Variants in HABP4 observed in about 807,000 individuals in gnomAD.
HABP4 encodes intracellular hyaluronan-binding protein 4.
In HABP4, 32 loss-of-function variants were observed where a neutral mutation model predicts 44.1. That is an observed-to-expected ratio of 0.73 (90% CI 0.55 to 0.97). The LOEUF (loss-of-function observed/expected upper bound fraction) is 0.97, where lower values mean the gene tolerates loss of function less well. Ranked by LOEUF, HABP4 falls within the 50% of genes least tolerant of loss-of-function variation. The pLI is 0.00. For synonymous variants in HABP4, 216 were observed against 218.0 expected (o/e 0.99, Z 0.08); for missense variants, 503 against 561.9 (o/e 0.90, Z 1.06).
chr9:96,464,434 A>G (rs1230348483), intron 2 of HABP4, among the ~76,000 whole-genome samples: 1 of 152,214 alleles, frequency 6.6e-6, no homozygotes. Flanking sequence ...GCCCACAAGG[A>G]TAAGGACAGA....
intron 2 of HABP4, among the ~76,000 whole-genome samples, chr9:96,459,445 C>G (rs1438689228): frequency 2.0e-5 from 3 of 152,110 alleles, no homozygotes; most frequent in Non-Finnish European, 4.4e-5. Context: ...TGGTGGCCAC[C>G]GCACTCCACC....
chr9:96,470,896 A>G, intron 4 of HABP4, 115 bp from the exon 5 acceptor site: 1 of 321,822 alleles, frequency 3.1e-6, no homozygotes, highest in Non-Finnish European at 5.4e-6. Context: ...CTCAGTCTCA[A>G]AAAAAAAAAA....
chr9:96,490,309 T>G lies in HABP4; in HGVS notation c.*271T>G. The stretch of plus-strand genomic sequence containing the variant: ...AATGTTTAAAATGTGTATATAGAGA[T>G]AGTATAGACTCCTCCGCGGAAGCAT... On this transcript the variant is annotated 3_prime_UTR_variant, in exon 8 of 8. Coordinates refer to ENST00000375249, the MANE Select transcript of HABP4 (RefSeq NM_014282.4). 7 of 392,970 alleles carry G rather than the reference T, an allele frequency of 1.8e-5. No homozygotes were observed. The highest frequency in any genetic ancestry group is 8.8e-5 in the East Asian group (2 of 22,604). 24.3% of individuals were successfully genotyped at this position (392,970 alleles called of 1,614,324 possible).
intron 6 of HABP4, 24 bp downstream of exon 6, chr9:96,484,657 G>T: frequency 7.6e-7 from 1 of 1,320,612 alleles, no homozygotes. Context: ...TTCGTATGTA[G>T]AGGTAATCTT....
In HABP4 at chr9:96,450,543, G is replaced by A; in HGVS notation, c.264G>A (p.Arg88=). Residue 88 remains arginine (R), a synonymous_variant, in exon 1 of 8, where the codon CGG becomes CGA. Transcript: ENST00000375249. This position sits in a 1 kb window ranked among gnomAD's most constrained non-coding sequence, Gnocchi z 4.8. The stretch of plus-strand genomic sequence containing the variant: ...GCCACAGAGCCGGCGCGGGCGGCCG[G>A]AGGGAGTCGCAGAAGGAGCGCAAGA... ...ASGHRAGAGG[R]RESQKERKSL... 1 of 1,252,384 alleles carries A rather than the reference G, an allele frequency of 8.0e-7. No homozygotes were observed. The highest frequency in any genetic ancestry group is 3.2e-5 in the East Asian group (1 of 31,490). The allele number at this position is 1,252,384 out of a possible 1,614,324, so 77.6% of individuals were successfully genotyped here.
At chr9:96,464,331 C>T (rs758588083) in intron 2 of HABP4, among the ~76,000 whole-genome samples, 9 of 152,114 alleles carry the variant, frequency 5.9e-5, no homozygotes, top group Non-Finnish European at 7.3e-5. Context: ...GAGCCGAGAT[C>T]CTGCCACTGC....
chr9:96,464,172 A>G (rs1191751024), intron 2 of HABP4, among the ~76,000 whole-genome samples: 2 of 151,896 alleles, frequency 1.3e-5, no homozygotes, highest in Non-Finnish European at 2.9e-5. Flanking sequence ...TCACAGGAGG[A>G]ATAAGGGCTC....
At position 96,450,430 on chromosome 9, in the gene HABP4, C is replaced by A; in HGVS notation, c.151C>A (p.Gln51Lys). ...GCGCGAGGCCGAGCGCCGGCGCCAG[C>A]AGCAGCTGCAGCGCAAGAGGCGCGA... ...ILREAERRRQ[Q>K]QLQRKRRDEA... is the part of the protein sequence containing the mutation. Residue 51 changes from glutamine to lysine, a missense_variant, in exon 1 of 8, where the codon CAG (glutamine) becomes AAG (lysine). By Grantham distance (53) the Gln-to-Lys change is moderately conservative. Coordinates refer to ENST00000375249, the MANE Select transcript of HABP4 (RefSeq NM_014282.4). The surrounding 1 kb of genome is among the most constrained non-coding windows in gnomAD (Gnocchi z 4.8). 1 of 1,349,428 alleles carries A rather than the reference C, an allele frequency of 7.4e-7. No individual in the cohort carries two copies. The highest frequency in any genetic ancestry group is 9.7e-7 in the Non-Finnish European group (1 of 1,033,884). 83.6% of individuals were successfully genotyped at this position (1,349,428 alleles called of 1,614,324 possible).
At chr9:96,457,638 T>C (rs1832417303) in intron 1 of HABP4, among the ~76,000 whole-genome samples, 1 of 151,778 alleles carries the variant, frequency 6.6e-6, no homozygotes, top group South Asian at 2.1e-4. Context: ...GAGGGTGAGG[T>C]GGGTGAATTG....
At chr9:96,456,804 T>A (rs1288312510) in intron 1 of HABP4, among the ~76,000 whole-genome samples, 34 of 120,986 alleles carry the variant, frequency 2.8e-4, no homozygotes, top group African/African-American at 9.7e-4. Flanking sequence ...TATATATATA[T>A]ATATATATAT....
At chr9:96,480,470 G>A (rs931004060) in intron 5 of HABP4, among the ~76,000 whole-genome samples, 3 of 151,996 alleles carry the variant, frequency 2.0e-5, no homozygotes, top group Non-Finnish European at 4.4e-5. Flanking sequence ...TTTTGATATT[G>A]GTATTTTTCC....
intron 5 of HABP4, among the ~76,000 whole-genome samples, chr9:96,474,386 TAGAG>T (rs1253603250): frequency 2.6e-5 from 4 of 152,334 alleles, no homozygotes; most frequent in African/African-American, 9.6e-5. Flanking sequence ...GGCAGAATAA[TAGAG>T]AGTAAATTAT....
chr9:96,458,219 T>C (rs759462056), intron 1 of HABP4, among the ~76,000 whole-genome samples, 160 bp from the exon 2 acceptor site: 1 of 152,222 alleles, frequency 6.6e-6, no homozygotes, highest in Non-Finnish European at 1.5e-5. Context: ...TGGGCAGTTG[T>C]AGTATCAGCA....
chr9:96,451,563 A>AT (rs1832278576), intron 1 of HABP4: 4 of 672,858 alleles, frequency 5.9e-6, no homozygotes, highest in Non-Finnish European at 7.3e-6. Flanking sequence ...ACTTGGCTTT[A>AT]TTGGTTTGTT....
At chr9:96,451,750 A>G (rs1832281530) in intron 1 of HABP4, among the ~76,000 whole-genome samples, 1 of 152,232 alleles carries the variant, frequency 6.6e-6, no homozygotes, top group South Asian at 2.1e-4. Context: ...TTTTAAAAAA[A>G]TGTTATTTAC....
In HABP4 at chr9:96,490,378, G is replaced by A. The variant is rs1309034712; in HGVS notation, c.*340G>A. 1 of 222,396 alleles carries A rather than the reference G, an allele frequency of 4.5e-6. No individual in the cohort carries two copies. The highest frequency in any genetic ancestry group is 8.8e-6 in the Non-Finnish European group (1 of 113,678). 13.8% of individuals were successfully genotyped at this position (222,396 alleles called of 1,614,324 possible). Reference sequence around the variant, plus strand: ...AAAATAGACTCCATGGAGACTCTTAGGAAGCAGTAGATTCCCGGGGGCTGT... The same window carrying A: ...AAAATAGACTCCATGGAGACTCTTAAGAAGCAGTAGATTCCCGGGGGCTGT... On this transcript the variant is annotated 3_prime_UTR_variant, in exon 8 of 8. Coordinates refer to ENST00000375249, the MANE Select transcript of HABP4 (RefSeq NM_014282.4).
intron 1 of HABP4, among the ~76,000 whole-genome samples, chr9:96,456,401 G>A (rs1161715572): frequency 6.6e-6 from 1 of 152,152 alleles, no homozygotes; most frequent in African/African-American, 2.4e-5. Flanking sequence ...ATAGAAAAGT[G>A]TGTATCTACA....
At position 96,458,388 on chromosome 9, in the gene HABP4, G is replaced by A. The variant is rs749991176; in HGVS notation, c.359G>A (p.Arg120Gln). 3.7e-6 allele frequency: 6 copies of A among 1,613,820 alleles called. No individual in the cohort carries two copies. Among genetic ancestry groups the A allele is most frequent in the Non-Finnish European group, 2.5e-6 (3 of 1,179,914 alleles). ...GGGLQAPGQK[R>Q]TPRRGEQQGW... ...GATTTTCTGTTGGTAGGCCAGAAGC[G>A]GACTCCTAGAAGAGGGGAGCAGCAA... Residue 120 changes from arginine to glutamine, a missense_variant, in exon 2 of 8, where the codon CGG (arginine) becomes CAG (glutamine). Arg to Gln is a conservative substitution (Grantham distance 43). Transcript: ENST00000375249.
intron 5 of HABP4, among the ~76,000 whole-genome samples, chr9:96,482,738 G>A (rs1219298177): frequency 2.0e-5 from 3 of 152,106 alleles, no homozygotes; most frequent in Admixed American, 6.5e-5. Context: ...TCATGTAAAT[G>A]GAATCATACA....
Sources: gnomAD v4.1 joint callset for allele counts (sites outside exome capture counted in the v4.1 genomes callset) on GRCh38, gnomAD v4.1.1 for gene constraint, Gnocchi (gnomAD v3.1) non-coding constraint, MANE v1.5 for transcripts, NCBI Gene and HGNC (gene_info 2026-07-23, HGNC 2026-07-21) for gene names.